Variants in IRAG1 observed in about 807,000 individuals in gnomAD.
IRAG1 encodes inositol 1,4,5-triphosphate receptor associated 1.
Under a neutral mutation model 106.2 loss-of-function variants are expected in IRAG1, and 62 were observed. That is an observed-to-expected ratio of 0.58 (90% CI 0.48 to 0.72). IRAG1 has a LOEUF of 0.72. Among genes scored for constraint, IRAG1 ranks in the 30% least tolerant of loss-of-function variants. IRAG1 has a pLI of 0.00. For synonymous variants in IRAG1, 462 were observed against 443.9 expected (o/e 1.04, Z -0.51); for missense variants, 1,064 against 1,140.7 (o/e 0.93, Z 0.97).
intron 13 of IRAG1, among the ~76,000 whole-genome samples, chr11:10,603,579 A>C (rs1013207473): frequency 9.2e-5 from 14 of 152,052 alleles, no homozygotes; most frequent in Admixed American, 2.0e-4. Context: ...CCTGGTTCCT[A>C]ACAGGCCATG....
intron 10 of IRAG1, among the ~76,000 whole-genome samples, chr11:10,618,242 C>T (rs11823069): frequency 0.048 from 7,322 of 152,214 alleles, 380 homozygotes; most frequent in African/African-American, 0.13. Flanking sequence ...CTCAAGGTGG[C>T]TCCTCCTGAA....
In IRAG1 at chr11:10,659,632, C is replaced by A. The variant is rs754109684; in HGVS notation, c.68-7450G>T. On this transcript the variant is annotated intron_variant, in intron 1 of 20. Coordinates refer to ENST00000423302, the MANE Select transcript of IRAG1 (RefSeq NM_130385.4). The surrounding 1 kb of genome is among the most constrained non-coding windows in gnomAD (Gnocchi z 4.1). ...GGGTGCCCTGGGAAGGAGCCAGCAC[C>A]TGCTCAGACCAATGACAGGAAATAA... 7.2e-5 allele frequency among the ~76,000 whole-genome samples: 11 copies of A among 152,166 alleles called. No homozygotes were observed. The highest frequency in any genetic ancestry group is 1.3e-4 in the Admixed American group (2 of 15,290).
chr11:10,688,283 G>A (rs1861812140), intron 1 of IRAG1, among the ~76,000 whole-genome samples: 1 of 152,108 alleles, frequency 6.6e-6, no homozygotes, highest in Non-Finnish European at 1.5e-5. Flanking sequence ...ACACTGTGCT[G>A]CCTCCATTAC....
At chr11:10,614,224 A>G (rs1855211484) in intron 10 of IRAG1, among the ~76,000 whole-genome samples, 1 of 152,162 alleles carries the variant, frequency 6.6e-6, no homozygotes, top group Non-Finnish European at 1.5e-5. Context: ...TGTGCCACAC[A>G]TCCTGCTATT....
chr11:10,682,851 T>TA (rs370162033), intron 1 of IRAG1, among the ~76,000 whole-genome samples: 2 of 152,200 alleles, frequency 1.3e-5, no homozygotes, highest in African/African-American at 4.8e-5. Context: ...ACCACATTTA[T>TA]ACCCCACAAT....
chr11:10,606,230 TCA>T, intron 12 of IRAG1, among the ~76,000 whole-genome samples: 1 of 152,214 alleles, frequency 6.6e-6, no homozygotes, highest in East Asian at 1.9e-4. Context: ...CTCAGCTCAC[TCA>T]CAACCCCGCT....
chr11:10,624,537 C>T (rs1469667729), intron 9 of IRAG1, among the ~76,000 whole-genome samples: 1 of 152,158 alleles, frequency 6.6e-6, no homozygotes, highest in African/African-American at 2.4e-5. Flanking sequence ...AGGCACCTGG[C>T]AGAGCTCCTT....
At chr11:10,605,353 T>G (rs1238896018) in intron 12 of IRAG1, among the ~76,000 whole-genome samples, 2 of 152,184 alleles carry the variant, frequency 1.3e-5, no homozygotes, top group Non-Finnish European at 2.9e-5. Flanking sequence ...CTGAAGTTCA[T>G]GTAACATGGC....
At chr11:10,587,217 G>C (rs1852110639) in intron 18 of IRAG1, among the ~76,000 whole-genome samples, 1 of 152,208 alleles carries the variant, frequency 6.6e-6, no homozygotes, top group African/African-American at 2.4e-5. Context: ...GTAATGTGAA[G>C]AACTATTTAG....
intron 1 of IRAG1, among the ~76,000 whole-genome samples, chr11:10,680,134 A>G (rs574574325): frequency 1.1e-3 from 161 of 151,696 alleles, no homozygotes; most frequent in Admixed American, 3.7e-3. Context: ...TTGGCCAGGC[A>G]TGGTGGCGCA....
intron 1 of IRAG1, among the ~76,000 whole-genome samples, chr11:10,666,590 T>A (rs1457881918): frequency 6.6e-6 from 1 of 152,260 alleles, no homozygotes; most frequent in Admixed American, 6.5e-5. Context: ...GATTTACCTA[T>A]GTTCTTTGTT....
intron 10 of IRAG1, among the ~76,000 whole-genome samples, chr11:10,615,862 A>G (rs762286600): frequency 6.6e-6 from 1 of 150,998 alleles, no homozygotes; most frequent in African/African-American, 2.4e-5. Flanking sequence ...CAGCACACCA[A>G]CATGGCACAT....
Position 10,657,738 on chromosome 11 carries a change from A to G in IRAG1, c.68-5556T>C, listed in dbSNP as rs766165052. On this transcript the variant is annotated intron_variant, in intron 1 of 20. Transcript: ENST00000423302. The surrounding 1 kb of genome is among the most constrained non-coding windows in gnomAD (Gnocchi z 4.1). ...TCTAGATGGACAACTGATGGGGGGA[A>G]TTGTTGGGGGTGACTGCACGTGGAG... Among the ~76,000 whole-genome samples, 1 of 152,130 alleles carries G rather than the reference A, an allele frequency of 6.6e-6. No individual in the cohort carries two copies. Among genetic ancestry groups the G allele is most frequent in the Admixed American group, 6.5e-5 (1 of 15,274 alleles).
At chr11:10,597,147 G>A (rs971843189) in intron 15 of IRAG1, among the ~76,000 whole-genome samples, 3 of 152,184 alleles carry the variant, frequency 2.0e-5, no homozygotes, top group East Asian at 3.8e-4. Flanking sequence ...GGGTAAATGT[G>A]CCCAGAAGAA....
At chr11:10,634,248 G>T (rs889834186) in intron 2 of IRAG1, among the ~76,000 whole-genome samples, 177 bp from the exon 3 acceptor site, 1 of 152,136 alleles carries the variant, frequency 6.6e-6, no homozygotes, top group African/African-American at 2.4e-5. Flanking sequence ...AATAAACATT[G>T]TATATATTCA....
intron 11 of IRAG1, 150 bp downstream of exon 11, chr11:10,609,578 T>G (rs1020218695): frequency 1.1e-6 from 1 of 925,234 alleles, no homozygotes; most frequent in Non-Finnish European, 1.6e-6. Flanking sequence ...TTATTCTTTT[T>G]GTTTCGAATG....
chr11:10,593,392 A>T, intron 17 of IRAG1, 100 bp downstream of exon 17: 1 of 874,852 alleles, frequency 1.1e-6, no homozygotes, highest in Non-Finnish European at 1.8e-6. Flanking sequence ...CTCCTTGTTG[A>T]CCCTGCCCCC....
In IRAG1 at chr11:10,628,633, G is replaced by C; in HGVS notation, c.652+118C>G. On this transcript the variant is annotated intron_variant, in intron 6 of 20. Transcript: ENST00000423302. This position sits in a 1 kb window ranked among gnomAD's most constrained non-coding sequence, Gnocchi z 4.1. ...GGGGTCTTGCTCTGGGTGTGAAGGG[G>C]CCATCAGAGTTCTTGAAGGGGAAGC... The C allele has an allele frequency of 4.8e-6, 4 of 832,746 alleles. No homozygotes were observed. In the South Asian group the frequency reaches 8.3e-5, roughly 17 times the overall value. 51.6% of individuals were successfully genotyped at this position (832,746 alleles called of 1,614,324 possible).
chr11:10,634,206 A>G, intron 2 of IRAG1, 135 bp from the exon 3 acceptor site: 1 of 498,626 alleles, frequency 2.0e-6, no homozygotes. Flanking sequence ...TTTACTCTTT[A>G]TTCCCCCAGC....
Sources: allele counts gnomAD v4.1 joint callset (sites outside exome capture counted in the v4.1 genomes callset), GRCh38; gene constraint gnomAD v4.1.1; non-coding constraint Gnocchi (gnomAD v3.1); transcripts MANE v1.5; gene names NCBI Gene and HGNC (gene_info 2026-07-23, HGNC 2026-07-21).